Variants in LRRC7 observed in about 807,000 individuals in gnomAD.
LRRC7 encodes the protein leucine rich repeat containing 7.
Under a neutral mutation model 175.7 loss-of-function variants are expected in LRRC7, and 23 were observed. The ratio of observed to expected loss-of-function variants is 0.13; its 90% confidence interval spans 0.09 to 0.19. The LOEUF (loss-of-function observed/expected upper bound fraction) is 0.19. Ranked by LOEUF, LRRC7 falls within the 10% of genes least tolerant of loss-of-function variation. LRRC7 has a pLI of 1.00. For missense variants in LRRC7, 1,354 were observed against 1,904.7 expected (o/e 0.71, Z 5.38); for synonymous variants, 685 against 680.9 (o/e 1.01, Z -0.09).
At chr1:69,828,024 A>G (rs1384863622) in intron 5 of LRRC7, among the ~76,000 whole-genome samples, 1 of 152,170 alleles carries the variant, frequency 6.6e-6, no homozygotes, top group Non-Finnish European at 1.5e-5. Context: ...TGACAAATAA[A>G]TGATATCATA....
At chr1:69,720,861 C>T (rs1260105337) in intron 2 of LRRC7, among the ~76,000 whole-genome samples, 1 of 151,680 alleles carries the variant, frequency 6.6e-6, no homozygotes, top group Non-Finnish European at 1.5e-5. Context: ...ATACTCATAA[C>T]ATAAAAGTTA....
chr1:69,679,657 G>A (rs979822250), intron 2 of LRRC7, among the ~76,000 whole-genome samples: 14 of 152,098 alleles, frequency 9.2e-5, no homozygotes, highest in Admixed American at 7.9e-4. Context: ...GCGTATTTCT[G>A]TTGGGTTTAT....
At chr1:69,905,745 T>C (rs1205974124) in intron 7 of LRRC7, among the ~76,000 whole-genome samples, 2 of 152,364 alleles carry the variant, frequency 1.3e-5, no homozygotes, top group African/African-American at 2.4e-5. Flanking sequence ...TATAGCAGCA[T>C]GGTTTATAGT....
intron 1 of LRRC7, among the ~76,000 whole-genome samples, chr1:69,636,798 A>T (rs1653429850): frequency 6.6e-6 from 1 of 151,956 alleles, no homozygotes. Context: ...TAATATATTC[A>T]TTGGAGGAAT....
At chr1:70,011,385 A>G (rs935038982) in intron 11 of LRRC7, among the ~76,000 whole-genome samples, 1 of 151,760 alleles carries the variant, frequency 6.6e-6, no homozygotes, top group African/African-American at 2.4e-5. Flanking sequence ...CTAACATTTT[A>G]TCAATGTTTT....
intron 2 of LRRC7, among the ~76,000 whole-genome samples, chr1:69,740,383 C>G: frequency 6.6e-6 from 1 of 151,986 alleles, no homozygotes; most frequent in South Asian, 2.1e-4. Context: ...GGACACCCAC[C>G]CTTTCATATT....
intron 16 of LRRC7, 169 bp downstream of exon 16, chr1:70,021,298 T>A (rs1455897721): frequency 8.8e-6 from 5 of 566,244 alleles, no homozygotes; most frequent in Non-Finnish European, 1.5e-5. Flanking sequence ...TGCTTCAGAA[T>A]GAGACTAATG....
At chr1:69,812,622 T>A (rs1211434184) in intron 4 of LRRC7, among the ~76,000 whole-genome samples, 1 of 152,120 alleles carries the variant, frequency 6.6e-6, no homozygotes, top group African/African-American at 2.4e-5. Context: ...ATGTTTCCTG[T>A]CTTTATTTCA....
rs140193238 is a variant in LRRC7 at position 70,000,016 on chromosome 1, T to C, written c.1004+5383T>C. Among the ~76,000 whole-genome samples the C allele has an allele frequency of 7.6e-3, 1,151 of 152,238 alleles. 10 individuals carry two copies. The highest frequency in any genetic ancestry group is 0.025 in the African/African-American group (1,058 of 41,536). On this transcript the variant is annotated intron_variant, in intron 11 of 26. Transcript: ENST00000651989. The stretch of plus-strand genomic sequence containing the variant: ...CTGGACTCATTCTTCAATAATGGCT[T>C]CAGAGTAGGGGAGTACTTTCAATTC...
chr1:69,628,494 A>G (rs193239327), intron 1 of LRRC7, among the ~76,000 whole-genome samples: 23 of 152,322 alleles, frequency 1.5e-4, no homozygotes, highest in Non-Finnish European at 3.2e-4. Context: ...GTAAACTCAG[A>G]GATATTCACC....
chr1:69,756,152 T>C (rs1272807496), intron 2 of LRRC7, among the ~76,000 whole-genome samples: 4 of 151,886 alleles, frequency 2.6e-5, no homozygotes, highest in South Asian at 2.1e-4. Flanking sequence ...AGTAAAAATA[T>C]GCTATTAGAT....
chr1:70,140,046 G>A lies in LRRC7; in HGVS notation c.*18159G>A, dbSNP rs915774320. On this transcript the variant is annotated 3_prime_UTR_variant, in exon 27 of 27. Transcript: ENST00000651989. ...AGATTTGCAAATGGTGGGTTTTTTCGTTTTTTTGTGTGTTGGAGTAATTGA... is the reference window on the plus strand; with the variant it reads ...AGATTTGCAAATGGTGGGTTTTTTCATTTTTTTGTGTGTTGGAGTAATTGA... 12 of 151,552 alleles carry A rather than the reference G, an allele frequency of 7.9e-5. No homozygotes were observed. Among genetic ancestry groups the A allele is most frequent in the African/African-American group, 1.5e-4 (6 of 40,974 alleles). 9.4% of individuals were successfully genotyped at this position (151,552 alleles called of 1,614,324 possible).
chr1:69,710,278 C>CAAAAAAAAAAAAAAAAAAA (rs77553066), intron 2 of LRRC7, among the ~76,000 whole-genome samples: 2 of 87,196 alleles, frequency 2.3e-5, no homozygotes, highest in African/African-American at 4.5e-5. Context: ...GACTCCGTCT[C>CAAAAAAAAAAAAAAAAAAA]AAAAAAAAAA....
Position 70,038,905 on chromosome 1 carries a change from T to C in LRRC7, c.3081T>C (p.His1027=). The change falls in exon 21 of 27, where the codon CAT becomes CAC. Residue 1027 remains histidine, a synonymous_variant. Transcript: ENST00000651989. ...CGGATAAGATGCTGGGACCAGAGCA[T>C]GGTATGTCCAGTATGTCTCGAAGCC... is the stretch of plus-strand genomic sequence containing the variant. ...ERPDKMLGPE[H]GMSSMSRSQS... 6.2e-7 allele frequency: 1 copy of C among 1,613,960 alleles called. No individual in the cohort carries two copies. Among genetic ancestry groups the C allele is most frequent in the Non-Finnish European group, 8.5e-7 (1 of 1,179,974 alleles).
intron 8 of LRRC7, among the ~76,000 whole-genome samples, chr1:69,937,242 C>T (rs1648137406): frequency 6.6e-6 from 1 of 151,994 alleles, no homozygotes; most frequent in Non-Finnish European, 1.5e-5. Context: ...TGTCTGATTC[C>T]TGATTTTAAT....
At chr1:69,806,707 A>G (rs1677158076) in intron 4 of LRRC7, among the ~76,000 whole-genome samples, 1 of 151,988 alleles carries the variant, frequency 6.6e-6, no homozygotes, top group Non-Finnish European at 1.5e-5. Context: ...AGTGTAATCA[A>G]TGAAATTTAA....
At chr1:69,639,697 A>G (rs934387261) in intron 1 of LRRC7, among the ~76,000 whole-genome samples, 2 of 151,822 alleles carry the variant, frequency 1.3e-5, no homozygotes, top group Non-Finnish European at 3.0e-5. Flanking sequence ...ACTGGTATCA[A>G]AGGAAGCTGA....
At chr1:69,930,184 A>G (rs1292831471) in intron 7 of LRRC7, among the ~76,000 whole-genome samples, 1 of 152,154 alleles carries the variant, frequency 6.6e-6, no homozygotes, top group East Asian at 1.9e-4. Context: ...TGCTGAATGT[A>G]AAGTCCTTTG....
At chr1:70,102,320 AT>A in intron 25 of LRRC7, among the ~76,000 whole-genome samples, 1 of 152,290 alleles carries the variant, frequency 6.6e-6, no homozygotes, top group African/African-American at 2.4e-5. Context: ...GCCCCTTCTC[AT>A]CCCCTTCCCT....
Sources: gnomAD v4.1 joint callset for allele counts (sites outside exome capture counted in the v4.1 genomes callset) on GRCh38, gnomAD v4.1.1 for gene constraint, MANE v1.5 for transcripts, NCBI Gene and HGNC (gene_info 2026-07-23, HGNC 2026-07-21) for gene names.